The following ASAP1 variants were observed in gnomAD, a reference collection of about 807,000 sequenced individuals.
The protein encoded by ASAP1 is ArfGAP with SH3 domain, ankyrin repeat and PH domain 1, also known as arf-GAP with SH3 domain, ANK repeat and PH domain-containing protein 1.
A neutral mutation model predicts 145.2 loss-of-function variants in ASAP1; 43 were observed. The observed-to-expected ratio is 0.30, with a 90% CI of 0.23 to 0.38. ASAP1 has a LOEUF of 0.38. ASAP1 is among the 10% of genes least tolerant of loss of function. The probability of loss-of-function intolerance (pLI) is 1.00; values close to 1 mark genes in which losing one functional copy is unlikely to be tolerated. For missense variants in ASAP1, 1,018 were observed against 1,355.3 expected (o/e 0.75, Z 3.91); for synonymous variants, 546 against 515.5 (o/e 1.06, Z -0.80).
At chr8:130,341,462 C>T (rs929165667) in intron 3 of ASAP1, among the ~76,000 whole-genome samples, 14 of 152,188 alleles carry the variant, frequency 9.2e-5, no homozygotes, top group Admixed American at 8.5e-4. Flanking sequence ...TCGGTTCTTT[C>T]CCTTCGGCAG....
chr8:130,271,223 G>A (rs1268173348), intron 3 of ASAP1, among the ~76,000 whole-genome samples: 4 of 152,154 alleles, frequency 2.6e-5, no homozygotes, highest in Non-Finnish European at 5.9e-5. Flanking sequence ...ATACTAACAA[G>A]TGCCTTAGAC....
chr8:130,370,162 C>T (rs532249960), intron 2 of ASAP1, among the ~76,000 whole-genome samples: 1 of 152,148 alleles, frequency 6.6e-6, no homozygotes, highest in Non-Finnish European at 1.5e-5. Context: ...ATTACCCAAG[C>T]ATGGTGGCGC....
intron 3 of ASAP1, among the ~76,000 whole-genome samples, chr8:130,264,312 G>A (rs1014523207): frequency 9.2e-5 from 14 of 152,172 alleles, no homozygotes; most frequent in African/African-American, 2.9e-4. Context: ...GTCAGAAAAC[G>A]CTGCTGGGAT....
At position 130,440,521 on chromosome 8, in the gene ASAP1, G is replaced by C. The variant is rs1222900058; in HGVS notation, c.-28+2939C>G. On this transcript the variant is annotated intron_variant, in intron 1 of 29. Transcript: ENST00000518721. ...GACTCTGTCAAAAAAAAAAAAAAAA[G>C]AGTCAATCAGATATCACTGCTGAGC... 6.1e-5 allele frequency among the ~76,000 whole-genome samples: 9 copies of C among 146,956 alleles called. No individual in the cohort carries two copies. In the South Asian group the frequency reaches 2.0e-3, roughly 32 times the overall value.
intron 22 of ASAP1, among the ~76,000 whole-genome samples, chr8:130,116,164 C>T (rs897460108): frequency 2.0e-5 from 3 of 152,180 alleles, no homozygotes; most frequent in Non-Finnish European, 4.4e-5. Flanking sequence ...AACTGGTGGG[C>T]CTGGAACCTG....
At chr8:130,061,350 T>C (rs1050667817) in intron 27 of ASAP1, among the ~76,000 whole-genome samples, 3 of 152,236 alleles carry the variant, frequency 2.0e-5, no homozygotes, top group African/African-American at 7.2e-5. Context: ...TTGCAGAGAA[T>C]CGGAAAGTAC....
intron 3 of ASAP1, among the ~76,000 whole-genome samples, chr8:130,274,585 T>C (rs1277891045): frequency 6.6e-6 from 1 of 152,360 alleles, no homozygotes; most frequent in East Asian, 1.9e-4. Context: ...AACCTCTGCC[T>C]CTCTTCTCAC....
intron 24 of ASAP1, among the ~76,000 whole-genome samples, chr8:130,099,180 A>AT (rs78544780): frequency 0.018 from 2,472 of 140,556 alleles, 23 homozygotes; most frequent in Non-Finnish European, 0.021. Context: ...GGCCTAGCTA[A>AT]TTTTTTTTTT....
intron 9 of ASAP1, among the ~76,000 whole-genome samples, chr8:130,175,326 T>C: frequency 6.6e-6 from 1 of 152,154 alleles, no homozygotes; most frequent in East Asian, 1.9e-4. Flanking sequence ...GCTCAAGCGA[T>C]CCTCCCACCT....
chr8:130,248,139 T>C (rs1392830496), intron 3 of ASAP1, among the ~76,000 whole-genome samples: 4 of 152,146 alleles, frequency 2.6e-5, no homozygotes, highest in African/African-American at 9.7e-5. Flanking sequence ...ATAGTTTATC[T>C]ACCTGGTATT....
intron 5 of ASAP1, among the ~76,000 whole-genome samples, chr8:130,207,646 T>C (rs975850056): frequency 2.0e-5 from 3 of 152,220 alleles, no homozygotes; most frequent in African/African-American, 7.2e-5. Flanking sequence ...CTGAGTATTT[T>C]AATACAGGCC....
At chr8:130,386,218 G>A (rs1445220560) in intron 2 of ASAP1, among the ~76,000 whole-genome samples, 3 of 152,148 alleles carry the variant, frequency 2.0e-5, no homozygotes. Flanking sequence ...TGGTGATGCA[G>A]AGAAAAGGGA....
chr8:130,103,334 C>A (rs185009043), intron 24 of ASAP1, among the ~76,000 whole-genome samples: 22 of 150,946 alleles, frequency 1.5e-4, no homozygotes, highest in Admixed American at 1.5e-3. Context: ...CAATTTTTTT[C>A]ATCTTTTCAA....
intron 17 of ASAP1, among the ~76,000 whole-genome samples, chr8:130,124,635 G>A (rs2097572073): frequency 6.6e-6 from 1 of 152,196 alleles, no homozygotes. Context: ...GAACCATTTT[G>A]CTTCTGGGTT....
At chr8:130,082,758 G>C (rs1209330725) in intron 25 of ASAP1, 15 of 94,338 alleles carry the variant, frequency 1.6e-4, no homozygotes, top group Non-Finnish European at 2.2e-4. Context: ...AGGTCTCACT[G>C]TATTTCCCAG....
intron 29 of ASAP1, among the ~76,000 whole-genome samples, chr8:130,056,435 G>A (rs1564909364): frequency 6.6e-6 from 1 of 152,194 alleles, no homozygotes; most frequent in Non-Finnish European, 1.5e-5. Context: ...GGCTCCCTGA[G>A]TACTGGAGGA....
At chr8:130,355,826 G>A (rs1338552031) in intron 3 of ASAP1, among the ~76,000 whole-genome samples, 1 of 152,186 alleles carries the variant, frequency 6.6e-6, no homozygotes, top group Non-Finnish European at 1.5e-5. Flanking sequence ...ACTCAAGAGA[G>A]TGCAACCTCA....
At chr8:130,265,639 T>G (rs373245183) in intron 3 of ASAP1, among the ~76,000 whole-genome samples, 1 of 146,578 alleles carries the variant, frequency 6.8e-6, no homozygotes, top group Non-Finnish European at 1.5e-5. Context: ...CTTTGGAAGA[T>G]TGAGGTGGGC....
At chr8:130,332,290 T>A (rs1177935065) in intron 3 of ASAP1, among the ~76,000 whole-genome samples, 1 of 152,094 alleles carries the variant, frequency 6.6e-6, no homozygotes, top group Admixed American at 6.5e-5. Flanking sequence ...TGGCAGGGAG[T>A]ATAATGAAAA....
Sources: allele counts gnomAD v4.1 joint callset (sites outside exome capture counted in the v4.1 genomes callset), GRCh38; gene constraint gnomAD v4.1.1; transcripts MANE v1.5; gene names NCBI Gene and HGNC (gene_info 2026-07-23, HGNC 2026-07-21).